PRKAG2: variants seen among roughly 807,000 people sequenced by gnomAD.
PRKAG2 encodes the protein 5'-AMP-activated protein kinase subunit gamma-2.
In PRKAG2, 26 loss-of-function variants were observed where a neutral mutation model predicts 69.6. The observed-to-expected ratio is 0.37, with a 90% confidence interval of 0.27 to 0.52. PRKAG2 has a LOEUF of 0.52. PRKAG2 is among the 20% of genes least tolerant of loss of function. PRKAG2 has a pLI of 0.90. For missense variants in PRKAG2, 557 were observed against 740.0 expected, an observed-to-expected ratio of 0.75 and a Z score of 2.87; for synonymous variants, 293 against 285.0, an observed-to-expected ratio of 1.03 and a Z score of -0.28.
At chr7:151,716,843 A>G (rs1252465059) in intron 3 of PRKAG2, among the ~76,000 whole-genome samples, 2 of 152,186 alleles carry the variant, frequency 1.3e-5, no homozygotes. Context: ...TGGAGCAGAG[A>G]TGGGTACACA....
chr7:151,781,495 G>T lies in PRKAG2; in HGVS notation c.187-64C>A, dbSNP rs1304168681. The T allele has an allele frequency of 2.6e-6, 4 of 1,530,916 alleles. No individual in the cohort carries two copies. The highest frequency in any genetic ancestry group is 3.5e-6 in the Non-Finnish European group (4 of 1,135,006). The allele number at this position is 1,530,916 out of a possible 1,614,324, so 94.8% of individuals were successfully genotyped here. On this transcript the variant is annotated intron_variant, in intron 2 of 15. Coordinates refer to ENST00000287878, the MANE Select transcript of PRKAG2 (RefSeq NM_016203.4). The surrounding 1 kb of genome is among the most constrained non-coding windows in gnomAD (Gnocchi z 6.1). Reference sequence around the variant, plus strand: ...CTCTGGACACGCTGCCTCCTGCCCTGTATGAAACTTATCATTGTCCTCTCT... The same window carrying T: ...CTCTGGACACGCTGCCTCCTGCCCTTTATGAAACTTATCATTGTCCTCTCT...
chr7:151,585,932 C>T (rs1422560680), intron 6 of PRKAG2, among the ~76,000 whole-genome samples: 1 of 152,214 alleles, frequency 6.6e-6, no homozygotes, highest in East Asian at 1.9e-4. Context: ...GCAGAGCCCA[C>T]TGATGCTGAT....
chr7:151,712,422 G>A (rs981171550), intron 3 of PRKAG2, among the ~76,000 whole-genome samples: 2 of 152,246 alleles, frequency 1.3e-5, no homozygotes, highest in African/African-American at 4.8e-5. Flanking sequence ...CAGGACCCAC[G>A]AGACTGCTAA....
chr7:151,562,273 A>AAAAAAAAAAAAAAG (rs1805218074), intron 14 of PRKAG2, among the ~76,000 whole-genome samples: 1 of 142,470 alleles, frequency 7.0e-6, no homozygotes, highest in Non-Finnish European at 1.5e-5. Flanking sequence ...AAAAAAAAAA[A>AAAAAAAAAAAAAAG]GGCTTCAGAA....
At chr7:151,773,413 C>T (rs751765941) in intron 3 of PRKAG2, among the ~76,000 whole-genome samples, 6 of 152,156 alleles carry the variant, frequency 3.9e-5, no homozygotes, top group African/African-American at 7.2e-5. Flanking sequence ...AAGTGGACTT[C>T]GGAGTTCAAC....
At chr7:151,705,269 T>C (rs1838388495) in intron 3 of PRKAG2, among the ~76,000 whole-genome samples, 1 of 152,160 alleles carries the variant, frequency 6.6e-6, no homozygotes, top group South Asian at 2.1e-4. Flanking sequence ...CCCTTTTCAT[T>C]CCTACTGATA....
At chr7:151,709,628 ATG>A (rs761820832) in intron 3 of PRKAG2, among the ~76,000 whole-genome samples, 8 of 152,074 alleles carry the variant, frequency 5.3e-5, no homozygotes, top group Non-Finnish European at 7.4e-5. Flanking sequence ...ACACTGACAC[ATG>A]TGACTGTCAG....
chr7:151,621,223 G>A (rs1014433999), intron 5 of PRKAG2, among the ~76,000 whole-genome samples: 1 of 152,190 alleles, frequency 6.6e-6, no homozygotes, highest in Non-Finnish European at 1.5e-5. Context: ...CTTACGGAAG[G>A]AGCTGGGAAG....
intron 3 of PRKAG2, among the ~76,000 whole-genome samples, chr7:151,733,585 T>A (rs1014470465): frequency 6.6e-6 from 1 of 152,236 alleles, no homozygotes; most frequent in African/African-American, 2.4e-5. Context: ...TAAGTGTTTA[T>A]TACTTTATTA....
intron 3 of PRKAG2, among the ~76,000 whole-genome samples, chr7:151,693,570 T>G (rs1444540616): frequency 6.6e-6 from 1 of 152,250 alleles, no homozygotes; most frequent in African/African-American, 2.4e-5. Flanking sequence ...ATAAAAATAT[T>G]TACAAATATC....
intron 5 of PRKAG2, among the ~76,000 whole-genome samples, chr7:151,616,692 A>C (rs1820225373): frequency 6.6e-6 from 1 of 152,248 alleles, no homozygotes; most frequent in Non-Finnish European, 1.5e-5. Flanking sequence ...GTGCTAAAGG[A>C]ACATACACAG....
At chr7:151,568,630 G>A in intron 11 of PRKAG2, 86 bp downstream of exon 11, 2 of 1,441,670 alleles carry the variant, frequency 1.4e-6, no homozygotes, top group East Asian at 2.4e-5. Flanking sequence ...TTCTTCTACT[G>A]AGGGTAACAG....
chr7:151,818,937 T>C (rs1250959814), intron 1 of PRKAG2, among the ~76,000 whole-genome samples: 3 of 152,218 alleles, frequency 2.0e-5, no homozygotes, highest in Non-Finnish European at 4.4e-5. Flanking sequence ...GGTCCTGTGG[T>C]TGCTTCTGAA....
intron 1 of PRKAG2, among the ~76,000 whole-genome samples, chr7:151,796,938 G>A (rs998020563): frequency 6.6e-6 from 1 of 152,116 alleles, no homozygotes; most frequent in Non-Finnish European, 1.5e-5. Flanking sequence ...GCCAGCTCTG[G>A]GGTTCTGGGG....
chr7:151,760,040 T>G (rs752796864), intron 3 of PRKAG2, among the ~76,000 whole-genome samples: 1 of 152,190 alleles, frequency 6.6e-6, no homozygotes, highest in African/African-American at 2.4e-5. Flanking sequence ...CTCTGTTCAT[T>G]GCAGATTATG....
At chr7:151,806,768 C>G (rs1586620067) in intron 1 of PRKAG2, 1 of 337,196 alleles carries the variant, frequency 3.0e-6, no homozygotes, top group South Asian at 2.3e-5. Context: ...GAGCTCAAGA[C>G]CAGCCTGGGC....
rs945449128 is a variant in PRKAG2, at chr7:151,777,019, G to A, written c.466+4133C>T. Among the ~76,000 whole-genome samples, 14 of 152,272 alleles carry A rather than the reference G, an allele frequency of 9.2e-5. No homozygotes were observed. Among genetic ancestry groups the A allele is most frequent in the Non-Finnish European group, 1.3e-4 (9 of 68,008 alleles). The stretch of plus-strand genomic sequence containing the variant: ...GTACAGCCCCCACATTCCTCAGCCC[G>A]CAGCTGGAGCTCCTGCAGTACAGGA... On this transcript the variant is annotated intron_variant, in intron 3 of 15. Transcript: ENST00000287878. The surrounding 1 kb of genome is among the most constrained non-coding windows in gnomAD (Gnocchi z 4.3).
chr7:151,631,857 G>A (rs1188233653), intron 5 of PRKAG2: 1 of 494,722 alleles, frequency 2.0e-6, no homozygotes, highest in Admixed American at 2.4e-5. Context: ...AGCCTGGCTC[G>A]CGTCCCCTCC....
At chr7:151,706,073 C>T (rs979397407) in intron 3 of PRKAG2, among the ~76,000 whole-genome samples, 8 of 152,316 alleles carry the variant, frequency 5.3e-5, no homozygotes, top group Admixed American at 4.6e-4. Flanking sequence ...GTTGAAAATG[C>T]TTCCCGGAGT....
Sources: allele counts gnomAD v4.1 joint callset (sites outside exome capture counted in the v4.1 genomes callset), GRCh38; gene constraint gnomAD v4.1.1; non-coding constraint Gnocchi (gnomAD v3.1); transcripts MANE v1.5; gene names NCBI Gene and HGNC (gene_info 2026-07-23, HGNC 2026-07-21).